RFTN1: variants seen among roughly 807,000 people sequenced by gnomAD.
The protein encoded by RFTN1 is raftlin.
Under a neutral mutation model 46.5 loss-of-function variants are expected in RFTN1, and 26 were observed. The observed-to-expected ratio is 0.56, with a 90% CI of 0.41 to 0.78. The LOEUF (loss-of-function observed/expected upper bound fraction) is 0.78, where lower values mean the gene tolerates loss of function less well. Ranked by LOEUF, RFTN1 falls within the 30% of genes least tolerant of loss-of-function variation. RFTN1 has a pLI of 0.00. For synonymous variants in RFTN1, 261 were observed against 284.2 expected, an observed-to-expected ratio of 0.92 and a Z score of 0.82; for missense variants, 693 against 718.7, an observed-to-expected ratio of 0.96 and a Z score of 0.41.
chr3:16,485,360 G>A lies in RFTN1; in HGVS notation c.145+8365C>T, dbSNP rs543492717. On this transcript the variant is annotated intron_variant, in intron 2 of 9. Coordinates refer to ENST00000334133, the MANE Select transcript of RFTN1 (RefSeq NM_015150.2). ...ACAGACTCCATGCATAAAACAGCAC[G>A]GACTCCATACATACAACAGCAAGGA... Among the ~76,000 whole-genome samples the A allele has an allele frequency of 4.6e-5, 7 of 151,774 alleles. No individual in the cohort carries two copies. In the South Asian group the frequency reaches 1.0e-3, roughly 23 times the overall value.
In RFTN1 at chr3:16,338,153, G is replaced by A. The variant is rs577272380; in HGVS notation, c.1147-11277C>T. 1.3e-5 allele frequency among the ~76,000 whole-genome samples: 2 copies of A among 152,322 alleles called. No individual in the cohort carries two copies. The highest frequency in any genetic ancestry group is 6.5e-5 in the Admixed American group (1 of 15,304). ...TCCTGGTACATGCGGTTTCTCTAAC[G>A]TCAGTTACTTGGAAGGCAGAAAGAA... On this transcript the variant is annotated intron_variant, in intron 7 of 9. Coordinates refer to ENST00000334133, the MANE Select transcript of RFTN1 (RefSeq NM_015150.2). This position sits in a 1 kb window ranked among gnomAD's most constrained non-coding sequence, Gnocchi z 5.3.
Position 16,316,634 on chromosome 3 carries a change from C to G in RFTN1, c.*194G>C. 2.9e-6 allele frequency: 2 copies of G among 678,688 alleles called. No individual in the cohort carries two copies. The highest frequency in any genetic ancestry group is 3.5e-5 in the South Asian group (2 of 57,818). 42.0% of individuals were successfully genotyped at this position (678,688 alleles called of 1,614,324 possible). A position where few individuals can be genotyped will look rare whatever the true frequency, so the allele number is the denominator to read the frequency against. ...ACACTGGGTCATTAATGACACCTTT[C>G]CAGTGGATGTGCAAAAACCAACACT... On this transcript the variant is annotated 3_prime_UTR_variant, in exon 10 of 10. Coordinates refer to ENST00000334133, the MANE Select transcript of RFTN1 (RefSeq NM_015150.2). The surrounding 1 kb of genome is among the most constrained non-coding windows in gnomAD (Gnocchi z 4.5).
rs1472722732 is a variant in RFTN1 at position 16,384,095 on chromosome 3, CTG to C, written c.442-5995_442-5994del. Among the ~76,000 whole-genome samples, 2 of 152,214 alleles carry C rather than the reference CTG, an allele frequency of 1.3e-5. No homozygotes were observed. Among genetic ancestry groups the C allele is most frequent in the Non-Finnish European group, 2.9e-5 (2 of 68,028 alleles). ...CAGGTGAAGGCTTTAAGAGCCAAGA[CTG>C]AGATTTCCCAAAGGAAAAAGAATTC... is the stretch of plus-strand genomic sequence containing the variant. On this transcript the variant is annotated intron_variant, in intron 4 of 9. Coordinates refer to ENST00000334133, the MANE Select transcript of RFTN1 (RefSeq NM_015150.2). This position sits in a 1 kb window ranked among gnomAD's most constrained non-coding sequence, Gnocchi z 4.7.
chr3:16,332,145 T>C (rs1348428706), intron 7 of RFTN1, among the ~76,000 whole-genome samples: 1 of 152,222 alleles, frequency 6.6e-6, no homozygotes, highest in Non-Finnish European at 1.5e-5. Flanking sequence ...AATCTGAAGA[T>C]TCTTGTCCTT....
At chr3:16,355,159 C>G (rs1195817320) in intron 7 of RFTN1, among the ~76,000 whole-genome samples, 1 of 152,236 alleles carries the variant, frequency 6.6e-6, no homozygotes, top group East Asian at 1.9e-4. Flanking sequence ...TCACAGAAAT[C>G]TAGGCTCTTT....
chr3:16,461,350 C>T (rs982456440), intron 2 of RFTN1, among the ~76,000 whole-genome samples: 3 of 152,084 alleles, frequency 2.0e-5, no homozygotes, highest in East Asian at 1.9e-4. Flanking sequence ...AAAACTCTTC[C>T]GTGAATAATC....
chr3:16,345,818 GCGCGCGCGCGTGCGCGCA>G lies in RFTN1; in HGVS notation c.1146+12096_1146+12113del, dbSNP rs750392718. Among the ~76,000 whole-genome samples the G allele has an allele frequency of 0.034, 2,126 of 61,634 alleles. 23 individuals are homozygous for G. The highest frequency in any genetic ancestry group is 0.078 in the South Asian group (125 of 1,612). 40.4% of individuals were successfully genotyped at this position (61,634 alleles called of 152,430 possible). On this transcript the variant is annotated intron_variant, in intron 7 of 9. Coordinates refer to ENST00000334133, the MANE Select transcript of RFTN1 (RefSeq NM_015150.2). This position sits in a 1 kb window ranked among gnomAD's most constrained non-coding sequence, Gnocchi z 5.2. ...TGTGTGTGTGTGTGTGTGTGTGTGT[GCGCGCGCGCGTGCGCGCA>G]CGCGCACATGTGCATGTGTATGTGT...
chr3:16,345,551 G>T lies in RFTN1; in HGVS notation c.1146+12381C>A, dbSNP rs1340942987. On this transcript the variant is annotated intron_variant, in intron 7 of 9. Transcript: ENST00000334133. This position sits in a 1 kb window ranked among gnomAD's most constrained non-coding sequence, Gnocchi z 5.2. ...ATTGAGGACCTGAACAGAACAAAGG[G>T]TGGAGGAAGGCTGAATTAACACCGC... 6.6e-6 allele frequency among the ~76,000 whole-genome samples: 1 copy of T among 152,116 alleles called. No homozygotes were observed. Among genetic ancestry groups the T allele is most frequent in the East Asian group, 1.9e-4 (1 of 5,194 alleles).
At chr3:16,488,798 CA>C (rs2076494310) in intron 2 of RFTN1, among the ~76,000 whole-genome samples, 1 of 152,130 alleles carries the variant, frequency 6.6e-6, no homozygotes, top group Non-Finnish European at 1.5e-5. Context: ...TCCTTGTCTG[CA>C]AAAAGAAATG....
At chr3:16,403,652 A>T (rs189064249) in intron 4 of RFTN1, among the ~76,000 whole-genome samples, 13 of 32,608 alleles carry the variant, frequency 4.0e-4, no homozygotes, top group African/African-American at 1.8e-3. Context: ...ATATATATAT[A>T]ATATATATTT....
chr3:16,477,631 C>A (rs2076303547), intron 2 of RFTN1, among the ~76,000 whole-genome samples: 1 of 152,222 alleles, frequency 6.6e-6, no homozygotes, highest in African/African-American at 2.4e-5. Flanking sequence ...ACGGCAGCGA[C>A]CAGATGCTGG....
chr3:16,409,926 A>G (rs2074948734), intron 3 of RFTN1, among the ~76,000 whole-genome samples: 1 of 151,596 alleles, frequency 6.6e-6, no homozygotes, highest in South Asian at 2.1e-4. Context: ...ATCTCAGGTG[A>G]TCCGCCCGCC....
At position 16,483,665 on chromosome 3, in the gene RFTN1, T is replaced by C. The variant is rs763569036; in HGVS notation, c.145+10060A>G. 7.2e-5 allele frequency among the ~76,000 whole-genome samples: 11 copies of C among 152,180 alleles called. No individual in the cohort carries two copies. The highest frequency in any genetic ancestry group is 7.3e-5 in the Non-Finnish European group (5 of 68,032). The stretch of plus-strand genomic sequence containing the variant: ...AAGAAAGTAAGTTATGATTTGGTCA[T>C]AATACATAGGTAGGTAAGTAAACAT... On this transcript the variant is annotated intron_variant, in intron 2 of 9. Coordinates refer to ENST00000334133, the MANE Select transcript of RFTN1 (RefSeq NM_015150.2). This position sits in a 1 kb window ranked among gnomAD's most constrained non-coding sequence, Gnocchi z 4.8.
Position 16,348,869 on chromosome 3 carries a change from CCTGCCA to C in RFTN1, c.1146+9057_1146+9062del, listed in dbSNP as rs1394960738. Among the ~76,000 whole-genome samples, 1 of 152,196 alleles carries C rather than the reference CCTGCCA, an allele frequency of 6.6e-6. No individual in the cohort carries two copies. Among genetic ancestry groups the C allele is most frequent in the Non-Finnish European group, 1.5e-5 (1 of 68,042 alleles). Reference sequence around the variant, plus strand: ...GTCCAATAGCCCATCATCTCTGTGTCCTGCCACTGCCACAATCCACACACATTTCAG... The same window carrying C: ...GTCCAATAGCCCATCATCTCTGTGTCCTGCCACAATCCACACACATTTCAG... On this transcript the variant is annotated intron_variant, in intron 7 of 9. Coordinates refer to ENST00000334133, the MANE Select transcript of RFTN1 (RefSeq NM_015150.2). The surrounding 1 kb of genome is among the most constrained non-coding windows in gnomAD (Gnocchi z 6.3).
chr3:16,417,014 T>C (rs897090589), intron 3 of RFTN1, among the ~76,000 whole-genome samples: 10 of 149,424 alleles, frequency 6.7e-5, no homozygotes, highest in Admixed American at 5.3e-4. Context: ...TTTTTCTTTT[T>C]TTTTTTTTTT....
intron 4 of RFTN1, among the ~76,000 whole-genome samples, chr3:16,386,344 C>T (rs895457730): frequency 2.0e-5 from 3 of 152,224 alleles, no homozygotes; most frequent in African/African-American, 4.8e-5. Flanking sequence ...GTATGCCCAA[C>T]ACTGTTTTAA....
At chr3:16,393,857 C>G (rs2074408512) in intron 4 of RFTN1, among the ~76,000 whole-genome samples, 2 of 152,018 alleles carry the variant, frequency 1.3e-5, no homozygotes, top group Admixed American at 1.3e-4. Context: ...GACGGGGTTT[C>G]ACCGTGTTAG....
intron 6 of RFTN1, among the ~76,000 whole-genome samples, chr3:16,360,871 A>C (rs2125338917): frequency 6.6e-6 from 1 of 152,342 alleles, no homozygotes; most frequent in South Asian, 2.1e-4. Flanking sequence ...TGGAGAAAAA[A>C]CTAGGATATA....
chr3:16,454,408 C>G (rs1363121233), intron 2 of RFTN1, among the ~76,000 whole-genome samples: 3 of 152,108 alleles, frequency 2.0e-5, no homozygotes, highest in Admixed American at 6.5e-5. Context: ...AGGTCCCAGG[C>G]TATCCCCAGA....
Sources: gnomAD v4.1 joint callset for allele counts (sites outside exome capture counted in the v4.1 genomes callset) on GRCh38, gnomAD v4.1.1 for gene constraint, Gnocchi (gnomAD v3.1) non-coding constraint, MANE v1.5 for transcripts, NCBI Gene and HGNC (gene_info 2026-07-23, HGNC 2026-07-21) for gene names.